NXPE2: variants seen among roughly 807,000 people sequenced by gnomAD.
The protein encoded by NXPE2 is neurexophilin and PC-esterase domain family member 2.
In NXPE2, 34 loss-of-function variants were observed where a neutral mutation model predicts 34.4. The observed-to-expected ratio is 0.99, with a 90% CI of 0.75 to 1.31. The LOEUF is 1.31. Ranked by LOEUF, NXPE2 falls within the 40% of genes most tolerant of loss-of-function variation. The pLI is 0.00. For missense variants in NXPE2, 649 were observed against 672.5 expected (o/e 0.97, Z 0.39); for synonymous variants, 235 against 231.3 (o/e 1.02, Z -0.15).
downstream of NXPE2, among the ~76,000 whole-genome samples, chr11:114,710,315 GT>G (rs1434979693): frequency 1.3e-5 from 2 of 152,078 alleles, no homozygotes; most frequent in Non-Finnish European, 2.9e-5. Context: ...CTAAGAGTTG[GT>G]TTTTCAAAAA....
the NXPE2 span, among the ~76,000 whole-genome samples, chr11:114,714,445 A>T: frequency 6.6e-6 from 1 of 152,224 alleles, no homozygotes; most frequent in Non-Finnish European, 1.5e-5. Context: ...TACAGGTGAT[A>T]AAAATCTACC....
the NXPE2 span, among the ~76,000 whole-genome samples, chr11:114,728,743 C>A: frequency 6.6e-6 from 1 of 151,710 alleles, no homozygotes; most frequent in Non-Finnish European, 1.5e-5. Context: ...CAGACATGGA[C>A]AATATGTAAA....
At chr11:114,620,892 T>C in the NXPE2 span, among the ~76,000 whole-genome samples, 5 of 152,254 alleles carry the variant, frequency 3.3e-5, no homozygotes, top group African/African-American at 9.6e-5. Context: ...GCCTCACGGG[T>C]AACCACAGTT....
At chr11:114,542,784 A>G in the NXPE2 span, among the ~76,000 whole-genome samples, 4 of 152,224 alleles carry the variant, frequency 2.6e-5, no homozygotes, top group Non-Finnish European at 5.9e-5. Flanking sequence ...ATTAAAATAA[A>G]CATAATCATT....
At chr11:114,640,704 T>C in the NXPE2 span, among the ~76,000 whole-genome samples, 1 of 152,036 alleles carries the variant, frequency 6.6e-6, no homozygotes, top group African/African-American at 2.4e-5. Context: ...TCCCTGATGA[T>C]TAGTGATACT....
At chr11:114,478,014 A>G in the NXPE2 span, among the ~76,000 whole-genome samples, 1 of 152,040 alleles carries the variant, frequency 6.6e-6, no homozygotes, top group Non-Finnish European at 1.5e-5. Context: ...ACATACCTAA[A>G]TATCTATGGA....
chr11:114,602,962 A>G, the NXPE2 span, among the ~76,000 whole-genome samples: 15 of 150,296 alleles, frequency 1.0e-4, no homozygotes, highest in South Asian at 1.3e-3. Context: ...CTCATATACA[A>G]TTACAGAATC....
chr11:114,536,583 A>G, the NXPE2 span, among the ~76,000 whole-genome samples: 1 of 152,228 alleles, frequency 6.6e-6, no homozygotes, highest in African/African-American at 2.4e-5. Flanking sequence ...GACGCCATAA[A>G]AAATGACAAA....
chr11:114,681,701 A>G (rs557121205), intron 2 of NXPE2, among the ~76,000 whole-genome samples: 1 of 152,282 alleles, frequency 6.6e-6, no homozygotes, highest in African/African-American at 2.4e-5. Context: ...GCATTAAGTC[A>G]TATCAGAATT....
chr11:114,707,514 C>A, downstream of NXPE2: 1 of 326,460 alleles, frequency 3.1e-6, no homozygotes, highest in Non-Finnish European at 6.3e-6. Flanking sequence ...CCTGACTCAG[C>A]CTCCCACGTA....
chr11:114,704,007 G>C lies in NXPE2; in HGVS notation c.883G>C (p.Glu295Gln). 1 of 1,551,746 alleles carries C rather than the reference G, an allele frequency of 6.4e-7. No homozygotes were observed. The highest frequency in any genetic ancestry group is 8.7e-7 in the Non-Finnish European group (1 of 1,146,576). Residue 295 changes from glutamate to glutamine, a missense_variant, in exon 4 of 6, where the codon GAA (glutamate) becomes CAA (glutamine). Transcript: ENST00000389586. ...TTCTTGCAGGTCCAACATAGGAGTT[G>C]AAATGATGAAGAACTTTACCCCCAT... is the stretch of plus-strand genomic sequence containing the variant. ...RLFHRSNIGV[E>Q]MMKNFTPIEV...
the NXPE2 span, among the ~76,000 whole-genome samples, chr11:114,618,470 ATC>A: frequency 3.3e-5 from 5 of 151,936 alleles, no homozygotes; most frequent in African/African-American, 1.2e-4. Context: ...AACCACTGTT[ATC>A]CTGTGGATAA....
chr11:114,506,965 A>G, the NXPE2 span, among the ~76,000 whole-genome samples: 2 of 152,234 alleles, frequency 1.3e-5, no homozygotes, highest in African/African-American at 4.8e-5. Context: ...TGAAAAAATT[A>G]ATAAAATAGA....
the NXPE2 span, among the ~76,000 whole-genome samples, chr11:114,541,511 C>T: frequency 0.23 from 34,495 of 152,138 alleles, 5,508 homozygotes; most frequent in African/African-American, 0.44. Flanking sequence ...TGAGCGACCA[C>T]GACACGTGAC....
the NXPE2 span, chr11:114,584,184 G>T: frequency 3.0e-6 from 1 of 337,458 alleles, no homozygotes; most frequent in Admixed American, 4.0e-5. Flanking sequence ...GTTGCTCAGT[G>T]CCCTGGAAAT....
the NXPE2 span, among the ~76,000 whole-genome samples, chr11:114,569,067 C>T: frequency 6.6e-6 from 1 of 152,102 alleles, no homozygotes; most frequent in Non-Finnish European, 1.5e-5. Flanking sequence ...GTATTATCTC[C>T]TGCTGCCCCC....
At chr11:114,495,928 C>T in the NXPE2 span, among the ~76,000 whole-genome samples, 4 of 152,004 alleles carry the variant, frequency 2.6e-5, no homozygotes, top group South Asian at 2.1e-4. Flanking sequence ...TCTCCTTGAG[C>T]GCAGGAAATA....
the NXPE2 span, among the ~76,000 whole-genome samples, chr11:114,776,102 C>G: frequency 6.6e-6 from 1 of 152,322 alleles, no homozygotes; most frequent in African/African-American, 2.4e-5. Context: ...TGCTAGGAGA[C>G]AGCTTGGGAG....
At chr11:114,803,390 A>G in the NXPE2 span, among the ~76,000 whole-genome samples, 2 of 152,234 alleles carry the variant, frequency 1.3e-5, no homozygotes, top group East Asian at 1.9e-4. Flanking sequence ...TCTGGTGGCT[A>G]TAACAAGATA....
Sources: allele counts gnomAD v4.1 joint callset (sites outside exome capture counted in the v4.1 genomes callset), GRCh38; gene constraint gnomAD v4.1.1; transcripts MANE v1.5; gene names NCBI Gene and HGNC (gene_info 2026-07-23, HGNC 2026-07-21).